The following CPSF3 variants were observed in gnomAD, a reference collection of about 807,000 sequenced individuals.
CPSF3 encodes the protein cleavage and polyadenylation specificity factor subunit 3.
CPSF3 carries 57 observed loss-of-function variants against 84.1 expected under a neutral mutation model. That is an observed-to-expected ratio of 0.68 (90% CI 0.55 to 0.85). The LOEUF is 0.85. Among genes scored for constraint, CPSF3 ranks in the 40% least tolerant of loss-of-function variants. The pLI is 0.00. For missense variants in CPSF3, 522 were observed against 838.8 expected (o/e 0.62, Z 4.66); for synonymous variants, 275 against 278.1 (o/e 0.99, Z 0.11).
intron 6 of CPSF3, among the ~76,000 whole-genome samples, chr2:9,434,837 C>T (rs1327130307): frequency 6.6e-6 from 1 of 152,146 alleles, no homozygotes. Context: ...TATATAAGAA[C>T]ATCAGGTGTA....
intron 12 of CPSF3, among the ~76,000 whole-genome samples, chr2:9,455,412 G>T (rs889668924): frequency 1.4e-4 from 22 of 152,282 alleles, no homozygotes; most frequent in Non-Finnish European, 7.4e-5. Context: ...GGGATTACAG[G>T]CATGAGCCAC....
Position 9,442,853 on chromosome 2 carries a change from C to CA in CPSF3, c.1096-652dup, listed in dbSNP as rs1217742306. Among the ~76,000 whole-genome samples, 900 of 101,230 alleles carry CA rather than the reference C, an allele frequency of 8.9e-3. 12 individuals carry two copies. The highest frequency in any genetic ancestry group is 0.02 in the Middle Eastern group (3 of 150). 66.4% of individuals were successfully genotyped at this position (101,230 alleles called of 152,430 possible). On this transcript the variant is annotated intron_variant, in intron 9 of 17. Transcript: ENST00000238112. Reference sequence around the variant, plus strand: ...GGGTGACGGAGCAAGACTCCATCTCCAAAAAAAAAAGAAAAAAAAAATTTC... The same window carrying CA: ...GGGTGACGGAGCAAGACTCCATCTCCAAAAAAAAAAAGAAAAAAAAAATTTC...
rs1324158739 is a variant in CPSF3, at chr2:9,423,830, G to C, written c.50+7G>C. 6.2e-7 allele frequency: 1 copy of C among 1,612,484 alleles called. No homozygotes were observed. The highest frequency in any genetic ancestry group is 8.5e-7 in the Non-Finnish European group (1 of 1,179,372). On this transcript the variant is annotated splice_region_variant and intron_variant, in intron 1 of 17. Transcript: ENST00000238112. ...AGCTGCTGATCCGACCCCTGTAAGG[G>C]ACCAGCGAGAGAGGGAATGAAGCCA...
rs1185043094 is a variant in CPSF3 at position 9,456,991 on chromosome 2, T to G, written c.1662T>G (p.Ile554Met). Reference sequence around the variant, plus strand: ...CTGCTCTGAAAGTGTTCAAAAATATTACTGTAATACAAGAACCAGGCATGG... The same window carrying G: ...CTGCTCTGAAAGTGTTCAAAAATATGACTGTAATACAAGAACCAGGCATGG... ...EKPALKVFKN[I>M]TVIQEPGMVV... The change falls in exon 14 of 18, where the codon ATT (isoleucine) becomes ATG (methionine). Residue 554 changes from isoleucine to methionine, a missense_variant. Transcript: ENST00000238112. 6.2e-7 allele frequency: 1 copy of G among 1,602,234 alleles called. No individual in the cohort carries two copies. Among genetic ancestry groups the G allele is most frequent in the South Asian group, 1.1e-5 (1 of 88,622 alleles).
chr2:9,457,245 T>C (rs1411694094), intron 14 of CPSF3, among the ~76,000 whole-genome samples: 2 of 149,900 alleles, frequency 1.3e-5, no homozygotes, highest in African/African-American at 4.9e-5. Flanking sequence ...TTCTATGTAG[T>C]CACAAAAAAA....
Position 9,452,900 on chromosome 2 carries a change from T to C in CPSF3, c.1396-13T>C, listed in dbSNP as rs377440013. ...ACCAGGTTCTATTTTCTTCAAGTAT[T>C]TTTTTTTTACAGGTTATGGGATTTT... On this transcript the variant is annotated splice_polypyrimidine_tract_variant and intron_variant, in intron 11 of 17. Transcript: ENST00000238112. 3.2e-5 allele frequency: 49 copies of C among 1,555,198 alleles called. No homozygotes were observed. In the African/African-American group the frequency reaches 6.1e-4, roughly 19 times the overall value.
intron 15 of CPSF3, among the ~76,000 whole-genome samples, chr2:9,466,286 G>A (rs975784775): frequency 6.0e-5 from 7 of 116,490 alleles, no homozygotes; most frequent in Admixed American, 1.7e-4. Context: ...ACACACGTGC[G>A]CACACAGACG....
At chr2:9,443,167 A>G (rs1681012219) in intron 9 of CPSF3, among the ~76,000 whole-genome samples, 1 of 152,210 alleles carries the variant, frequency 6.6e-6, no homozygotes, top group Non-Finnish European at 1.5e-5. Flanking sequence ...ATTTGAAAAA[A>G]CAAAGATTTT....
intron 7 of CPSF3, among the ~76,000 whole-genome samples, chr2:9,437,298 G>C (rs1680817412): frequency 6.6e-6 from 1 of 152,118 alleles, no homozygotes; most frequent in African/African-American, 2.4e-5. Flanking sequence ...CAGCTTTTCT[G>C]GAGGCTGGGG....
intron 2 of CPSF3, 23 bp from the exon 3 acceptor site, chr2:9,429,900 A>C (rs769598283): frequency 5.4e-6 from 8 of 1,478,618 alleles, no homozygotes. Context: ...GGAGATTGTG[A>C]TCTCTTTTCC....
intron 5 of CPSF3, among the ~76,000 whole-genome samples, chr2:9,433,630 T>C: frequency 6.6e-6 from 1 of 152,166 alleles, no homozygotes; most frequent in East Asian, 1.9e-4. Context: ...ATATAGGTTA[T>C]CATTGTGAGA....
At chr2:9,433,819 C>A in intron 5 of CPSF3, 52 bp from the exon 6 acceptor site, 8 of 1,270,456 alleles carry the variant, frequency 6.3e-6, no homozygotes, top group Non-Finnish European at 9.1e-6. Flanking sequence ...TATTCACTAG[C>A]AAAATGAAGC....
rs749991863 is a variant in CPSF3, at chr2:9,440,713, T to C, written c.936+47T>C. The C allele has an allele frequency of 3.1e-6, 5 of 1,591,738 alleles. No individual in the cohort carries two copies. The Admixed American group carries it at 5.0e-5, about 16-fold the overall frequency. On this transcript the variant is annotated intron_variant, in intron 8 of 17. Coordinates refer to ENST00000238112, the MANE Select transcript of CPSF3 (RefSeq NM_016207.4). ...ACAAGGATGGATAAAACCAAATCAG[T>C]CATTAGTAGTAGGAGGTACGAGGCC...
At chr2:9,446,308 C>T (rs574916887) in intron 10 of CPSF3, among the ~76,000 whole-genome samples, 31 of 152,232 alleles carry the variant, frequency 2.0e-4, no homozygotes, top group Non-Finnish European at 4.1e-4. Flanking sequence ...AGGCAGGGCA[C>T]GGTGGCTCAT....
At chr2:9,434,382 A>AT (rs1175534626) in intron 6 of CPSF3, among the ~76,000 whole-genome samples, 1 of 151,912 alleles carries the variant, frequency 6.6e-6, no homozygotes. Context: ...AAAAAAAAAA[A>AT]TTGGGGCAGG....
At position 9,430,733 on chromosome 2, in the gene CPSF3, C is replaced by G. The variant is rs184368092; in HGVS notation, c.213-19C>G. On this transcript the variant is annotated intron_variant, in intron 3 of 17. Coordinates refer to ENST00000238112, the MANE Select transcript of CPSF3 (RefSeq NM_016207.4). Reference sequence around the variant, plus strand: ...TGGATAATAATTTTAAGAATTAATGCAGCCTCTTTCTTTTTAAGTTTCCAT... The same window carrying G: ...TGGATAATAATTTTAAGAATTAATGGAGCCTCTTTCTTTTTAAGTTTCCAT... 1.0e-4 allele frequency: 167 copies of G among 1,593,312 alleles called. No homozygotes were observed. The African/African-American group carries it at 2.0e-3, about 19-fold the overall frequency.
intron 13 of CPSF3, among the ~76,000 whole-genome samples, chr2:9,456,373 A>T (rs1045378336): frequency 1.9e-4 from 29 of 152,264 alleles, no homozygotes; most frequent in Non-Finnish European, 3.1e-4. Context: ...AACGCTCTTC[A>T]TGACTCATGA....
At position 9,456,994 on chromosome 2, in the gene CPSF3, T is replaced by C. The variant is rs1454594084; in HGVS notation, c.1665T>C (p.Thr555=). ...KPALKVFKNI[T]VIQEPGMVVL... is the part of the protein sequence containing the mutation. ...CTCTGAAAGTGTTCAAAAATATTAC[T>C]GTAATACAAGAACCAGGCATGGTGG... Residue 555 remains threonine (T), a synonymous_variant, in exon 14 of 18, where the codon ACT becomes ACC. Coordinates refer to ENST00000238112, the MANE Select transcript of CPSF3 (RefSeq NM_016207.4). 2 of 1,602,374 alleles carry C rather than the reference T, an allele frequency of 1.2e-6. No homozygotes were observed. Among genetic ancestry groups the C allele is most frequent in the Admixed American group, 3.4e-5 (2 of 58,770 alleles).
At chr2:9,425,914 C>T (rs1680374455) in intron 1 of CPSF3, among the ~76,000 whole-genome samples, 1 of 152,186 alleles carries the variant, frequency 6.6e-6, no homozygotes, top group Non-Finnish European at 1.5e-5. Context: ...TAGACAATCC[C>T]CACTACCTCT....
Sources: allele counts gnomAD v4.1 joint callset (sites outside exome capture counted in the v4.1 genomes callset), GRCh38; gene constraint gnomAD v4.1.1; transcripts MANE v1.5; gene names NCBI Gene and HGNC (gene_info 2026-07-23, HGNC 2026-07-21).